Variants in MBNL2 observed in about 807,000 individuals in gnomAD.
The protein encoded by MBNL2 is muscleblind like splicing regulator 2.
In MBNL2, 17 loss-of-function variants were observed where a neutral mutation model predicts 41.9. The observed-to-expected ratio is 0.41, with a 90% CI of 0.28 to 0.61. The LOEUF (loss-of-function observed/expected upper bound fraction) is 0.61, where lower values mean the gene tolerates loss of function less well. Among genes scored for constraint, MBNL2 ranks in the 20% least tolerant of loss-of-function variants. The probability of loss-of-function intolerance (pLI) is 0.35; values close to 1 mark genes in which losing one functional copy is unlikely to be tolerated. For synonymous variants in MBNL2, 195 were observed against 182.9 expected (o/e 1.07, Z -0.53); for missense variants, 336 against 505.6 (o/e 0.66, Z 3.22).
At chr13:97,338,984 T>G (rs1033842052) in intron 3 of MBNL2, among the ~76,000 whole-genome samples, 1 of 151,952 alleles carries the variant, frequency 6.6e-6, no homozygotes, top group Non-Finnish European at 1.5e-5. Context: ...TAGCAAAGAA[T>G]GTGCATGTTT....
the MBNL2 span, among the ~76,000 whole-genome samples, chr13:97,211,637 C>T: frequency 1.3e-5 from 2 of 152,106 alleles, no homozygotes; most frequent in Non-Finnish European, 1.5e-5. Context: ...CATCAGAATG[C>T]TGTTGCTAAG....
At chr13:97,265,368 C>T (rs2049526560) in intron 1 of MBNL2, among the ~76,000 whole-genome samples, 1 of 152,068 alleles carries the variant, frequency 6.6e-6, no homozygotes, top group Non-Finnish European at 1.5e-5. Flanking sequence ...GTTTTATTTC[C>T]CTTATATTAA....
chr13:97,371,128 T>C (rs1001340663), intron 8 of MBNL2, among the ~76,000 whole-genome samples: 7 of 152,220 alleles, frequency 4.6e-5, no homozygotes, highest in African/African-American at 1.4e-4. Flanking sequence ...TATTATAATA[T>C]TCTAAGTTGT....
the MBNL2 span, among the ~76,000 whole-genome samples, chr13:97,204,650 A>G: frequency 1.3e-5 from 2 of 152,222 alleles, no homozygotes; most frequent in African/African-American, 4.8e-5. Flanking sequence ...TGTAGCCACT[A>G]AATGATGTAT....
chr13:97,377,583 A>G (rs532915960), intron 8 of MBNL2, among the ~76,000 whole-genome samples: 1 of 152,338 alleles, frequency 6.6e-6, no homozygotes, highest in Admixed American at 6.5e-5. Context: ...ATTTCATAAC[A>G]GTTCCATTCA....
chr13:97,166,598 G>A, the MBNL2 span, among the ~76,000 whole-genome samples: 5 of 152,158 alleles, frequency 3.3e-5, no homozygotes, highest in East Asian at 3.9e-4. Flanking sequence ...AATGTGAAAA[G>A]AGGAGACTGG....
At chr13:97,230,097 A>G (rs1430129504) in intron 1 of MBNL2, among the ~76,000 whole-genome samples, 1 of 152,228 alleles carries the variant, frequency 6.6e-6, no homozygotes, top group Non-Finnish European at 1.5e-5. Flanking sequence ...TGGGAGTTTG[A>G]GAGCAGCCTG....
intron 1 of MBNL2, among the ~76,000 whole-genome samples, chr13:97,261,122 C>G (rs2048535547): frequency 6.6e-6 from 1 of 152,016 alleles, no homozygotes; most frequent in Non-Finnish European, 1.5e-5. Context: ...TGCACCTTCT[C>G]TGCAGCTATT....
chr13:97,361,847 G>A (rs369702114), intron 7 of MBNL2, among the ~76,000 whole-genome samples: 90 of 130,564 alleles, frequency 6.9e-4, no homozygotes, highest in African/African-American at 2.5e-3. Flanking sequence ...TTGGCTCACT[G>A]CAACCTCCGC....
chr13:97,277,482 G>A (rs2052405151), intron 2 of MBNL2, among the ~76,000 whole-genome samples: 1 of 152,224 alleles, frequency 6.6e-6, no homozygotes, highest in Admixed American at 6.5e-5. Context: ...AGTGACCCTA[G>A]CCTATTCTTG....
In MBNL2 at chr13:97,259,517, A is replaced by G. The variant is rs576553162; in HGVS notation, c.-604-16115A>G. On this transcript the variant is annotated intron_variant, in intron 1 of 8. Coordinates refer to ENST00000679496, the MANE Select transcript of MBNL2 (RefSeq NM_001382683.1). Reference sequence around the variant, plus strand: ...TTCTGGACTTGGGAGCAGGAAGAAAATGGGCTCCATGCATGTCCCCCTTCC... The same window carrying G: ...TTCTGGACTTGGGAGCAGGAAGAAAGTGGGCTCCATGCATGTCCCCCTTCC... Among the ~76,000 whole-genome samples, 24 of 152,236 alleles carry G rather than the reference A, an allele frequency of 1.6e-4. No individual in the cohort carries two copies. The East Asian group carries it at 3.9e-3, about 25-fold the overall frequency.
intron 1 of MBNL2, among the ~76,000 whole-genome samples, chr13:97,271,127 T>G (rs530898544): frequency 7.9e-5 from 11 of 139,886 alleles, no homozygotes; most frequent in African/African-American, 1.4e-4. Context: ...TTTTTTTTTG[T>G]TTTTTTTTTT....
rs767086329 is a variant in MBNL2 at position 97,393,032 on chromosome 13, T to A, written c.*1583T>A. Reference sequence around the variant, plus strand: ...CATGTTGGTCAAAGTCGAATTACTATCTATTTATCTTATATCGTAGATCTG... The same window carrying A: ...CATGTTGGTCAAAGTCGAATTACTAACTATTTATCTTATATCGTAGATCTG... On this transcript the variant is annotated 3_prime_UTR_variant, in exon 9 of 9. Coordinates refer to ENST00000679496, the MANE Select transcript of MBNL2 (RefSeq NM_001382683.1). The A allele has an allele frequency of 6.6e-6, 1 of 152,506 alleles. No homozygotes were observed. Among genetic ancestry groups the A allele is most frequent in the African/African-American group, 2.4e-5 (1 of 41,458 alleles). 9.4% of individuals were successfully genotyped at this position (152,506 alleles called of 1,614,324 possible).
chr13:97,380,882 T>C (rs1450923780), intron 8 of MBNL2, among the ~76,000 whole-genome samples: 2 of 152,138 alleles, frequency 1.3e-5, no homozygotes, highest in African/African-American at 2.4e-5. Flanking sequence ...GTGACCTGGC[T>C]TAACTACTTA....
At chr13:97,246,988 A>G (rs1486204600) in intron 1 of MBNL2, among the ~76,000 whole-genome samples, 1 of 152,196 alleles carries the variant, frequency 6.6e-6, no homozygotes, top group African/African-American at 2.4e-5. Flanking sequence ...TAGCCTAAAT[A>G]ATGAAACTAG....
chr13:97,376,127 C>G (rs1421337549), intron 8 of MBNL2, among the ~76,000 whole-genome samples: 2 of 152,148 alleles, frequency 1.3e-5, no homozygotes, highest in Non-Finnish European at 2.9e-5. Context: ...AAAGCTGCTT[C>G]ATCGACAAAG....
At chr13:97,230,688 GAAC>G (rs2042257995) in intron 1 of MBNL2, among the ~76,000 whole-genome samples, 2 of 152,188 alleles carry the variant, frequency 1.3e-5, no homozygotes, top group African/African-American at 4.8e-5. Context: ...TTTAAAAAAT[GAAC>G]AACCAATACT....
At chr13:97,389,339 T>C (rs187331117) in intron 8 of MBNL2, among the ~76,000 whole-genome samples, 91 of 152,362 alleles carry the variant, frequency 6.0e-4, no homozygotes, top group Admixed American at 2.5e-3. Context: ...ATTTCATTCT[T>C]TATAGCATTT....
At chr13:97,287,394 T>C (rs976716222) in intron 2 of MBNL2, among the ~76,000 whole-genome samples, 3 of 152,220 alleles carry the variant, frequency 2.0e-5, no homozygotes, top group Admixed American at 6.5e-5. Flanking sequence ...TTAAAGGCTG[T>C]TTGTTTAAAC....
Sources: gnomAD v4.1 joint callset for allele counts (sites outside exome capture counted in the v4.1 genomes callset) on GRCh38, gnomAD v4.1.1 for gene constraint, MANE v1.5 for transcripts, NCBI Gene and HGNC (gene_info 2026-07-23, HGNC 2026-07-21) for gene names.